IL20RB: variants seen among roughly 807,000 people sequenced by gnomAD.
The protein encoded by IL20RB is interleukin-20 receptor subunit beta.
IL20RB carries 21 observed loss-of-function variants against 33.3 expected under a neutral mutation model. The observed-to-expected ratio is 0.63, with a 90% CI of 0.45 to 0.91. IL20RB has a LOEUF of 0.91. Ranked by LOEUF, IL20RB falls within the 40% of genes least tolerant of loss-of-function variation. IL20RB has a pLI of 0.00. For synonymous variants in IL20RB, 147 were observed against 146.8 expected, an observed-to-expected ratio of 1.00 and a Z score of -0.01; for missense variants, 345 against 384.8, an observed-to-expected ratio of 0.90 and a Z score of 0.86.
chr3:136,996,528 A>G (rs1942131116), intron 6 of IL20RB, among the ~76,000 whole-genome samples: 2 of 152,112 alleles, frequency 1.3e-5, no homozygotes, highest in African/African-American at 4.8e-5. Context: ...GAAAGGAGTC[A>G]TCCTTGTGAC....
chr3:136,990,550 C>T (rs1942012217), intron 4 of IL20RB, among the ~76,000 whole-genome samples: 1 of 152,178 alleles, frequency 6.6e-6, no homozygotes. Context: ...TGTCCTCTCT[C>T]CTTTGTCCCT....
intron 3 of IL20RB, among the ~76,000 whole-genome samples, chr3:136,986,206 C>T (rs1941893664): frequency 6.7e-6 from 1 of 149,306 alleles, no homozygotes; most frequent in South Asian, 2.1e-4. Context: ...GAGCGAGACT[C>T]CATCTCAAAT....
In IL20RB at chr3:137,010,984, A is replaced by C. The variant is rs928156625; in HGVS notation, c.*761A>C. On this transcript the variant is annotated 3_prime_UTR_variant, in exon 7 of 7. Transcript: ENST00000329582. ...GTGTGCAATGCGACGAGAATGCAGA[A>C]GTCAGTAACATGTGCATGTTTGTTG... is the stretch of plus-strand genomic sequence containing the variant. 5.9e-5 allele frequency: 9 copies of C among 152,266 alleles called. No individual in the cohort carries two copies. Among genetic ancestry groups the C allele is most frequent in the African/African-American group, 9.6e-5 (4 of 41,464 alleles). 9.4% of individuals were successfully genotyped at this position (152,266 alleles called of 1,614,324 possible). A position where few individuals can be genotyped will look rare whatever the true frequency, so the allele number is the denominator to read the frequency against.
intron 2 of IL20RB, among the ~76,000 whole-genome samples, chr3:136,980,983 G>C (rs746766710): frequency 9.2e-5 from 14 of 152,284 alleles, no homozygotes; most frequent in Non-Finnish European, 1.3e-4. Flanking sequence ...AATCCTAAAG[G>C]TCAGCTGGCC....
At chr3:137,007,067 C>T (rs929691239) in intron 6 of IL20RB, among the ~76,000 whole-genome samples, 2 of 152,206 alleles carry the variant, frequency 1.3e-5, no homozygotes, top group Non-Finnish European at 2.9e-5. Context: ...GAGGTCCACT[C>T]CAGACCGTTT....
intron 3 of IL20RB, among the ~76,000 whole-genome samples, chr3:136,987,686 G>T (rs1941939888): frequency 1.3e-5 from 2 of 152,196 alleles, no homozygotes; most frequent in Admixed American, 1.3e-4. Flanking sequence ...CCATGGAGGG[G>T]GTGGGAGGCT....
chr3:136,994,910 A>T (rs749596182), intron 5 of IL20RB, among the ~76,000 whole-genome samples: 12 of 152,218 alleles, frequency 7.9e-5, no homozygotes, highest in Non-Finnish European at 1.8e-4. Context: ...TAGCCTACAA[A>T]ATAGGGGCTT....
At chr3:136,979,578 C>T (rs1028359377) in intron 1 of IL20RB, among the ~76,000 whole-genome samples, 60 of 152,156 alleles carry the variant, frequency 3.9e-4, no homozygotes, top group Non-Finnish European at 1.2e-4. Flanking sequence ...TCCTTATGAG[C>T]AGGTTCAGCT....
intron 1 of IL20RB, among the ~76,000 whole-genome samples, chr3:136,974,634 G>C (rs529380408): frequency 2.0e-5 from 3 of 152,240 alleles, no homozygotes; most frequent in East Asian, 3.9e-4. Context: ...TGGACATCAT[G>C]AGCCTCCTGT....
At chr3:136,962,617 T>C (rs1941252124) in intron 1 of IL20RB, among the ~76,000 whole-genome samples, 1 of 151,126 alleles carries the variant, frequency 6.6e-6, no homozygotes, top group Non-Finnish European at 1.5e-5. Context: ...CCAAGTATGG[T>C]GGTGGGCGCC....
At chr3:136,970,389 C>G (rs116536823) in intron 1 of IL20RB, among the ~76,000 whole-genome samples, 1,760 of 152,166 alleles carry the variant, frequency 0.012, 32 homozygotes, top group African/African-American at 0.039. Flanking sequence ...GTTGCCATGC[C>G]AGGCCTAAAA....
intron 6 of IL20RB, among the ~76,000 whole-genome samples, chr3:136,998,824 C>G (rs932351400): frequency 6.6e-6 from 1 of 151,862 alleles, no homozygotes; most frequent in African/African-American, 2.4e-5. Context: ...GCACCCAGCT[C>G]TTACTACTTT....
At chr3:137,003,906 A>G (rs575805657) in intron 6 of IL20RB, among the ~76,000 whole-genome samples, 1 of 152,258 alleles carries the variant, frequency 6.6e-6, no homozygotes, top group Non-Finnish European at 1.5e-5. Context: ...GTTTGTCATA[A>G]ATAGCTCTTA....
Position 137,010,139 on chromosome 3 carries a change from A to T in IL20RB, c.852A>T (p.Leu284Phe). ...TLKITNSPQKLISCRREEVDA... is the reference protein window; with the variant it reads ...TLKITNSPQKFISCRREEVDA... ...AAATAACCAATTCACCCCAGAAGTT[A>T]ATCAGCTGCAGAAGGGAGGAGGTGG... The change falls in exon 7 of 7, where the codon TTA becomes TTT. Residue 284 changes from leucine to phenylalanine, a missense_variant. Coordinates refer to ENST00000329582, the MANE Select transcript of IL20RB (RefSeq NM_144717.4). The T allele has an allele frequency of 6.3e-7, 1 of 1,599,892 alleles. No homozygotes were observed. The highest frequency in any genetic ancestry group is 8.6e-7 in the Non-Finnish European group (1 of 1,166,976).
At chr3:137,001,129 T>C (rs1942234530) in intron 6 of IL20RB, among the ~76,000 whole-genome samples, 1 of 152,112 alleles carries the variant, frequency 6.6e-6, no homozygotes, top group Non-Finnish European at 1.5e-5. Flanking sequence ...GAAAACGAAA[T>C]AGCTTAGATG....
rs113646336 is a variant in IL20RB at position 136,996,365 on chromosome 3, C to A, written c.825+809C>A. ...AAAACAAAAACAACAAAAACAAAAT[C>A]AAAAAGCCCCATCCCTGTCACCCTA... On this transcript the variant is annotated intron_variant, in intron 6 of 6. Transcript: ENST00000329582. 5.4e-3 allele frequency among the ~76,000 whole-genome samples: 819 copies of A among 152,192 alleles called. 5 individuals are homozygous for A. The highest frequency in any genetic ancestry group is 0.018 in the African/African-American group (756 of 41,534).
chr3:136,958,096 T>G lies in IL20RB; in HGVS notation c.-18T>G. 2 of 1,456,626 alleles carry G rather than the reference T, an allele frequency of 1.4e-6. No individual in the cohort carries two copies. Among genetic ancestry groups the G allele is most frequent in the Non-Finnish European group, 9.6e-7 (1 of 1,037,842 alleles). 90.2% of individuals were successfully genotyped at this position (1,456,626 alleles called of 1,614,324 possible). ...TTTTGGAAAGAAACAATGTTCTAGG[T>G]CAAACTGAGTCTACCAAATGCAGAC... On this transcript the variant is annotated 5_prime_UTR_variant, in exon 1 of 7. Coordinates refer to ENST00000329582, the MANE Select transcript of IL20RB (RefSeq NM_144717.4).
At chr3:136,991,100 G>T (rs1055691825) in intron 4 of IL20RB, among the ~76,000 whole-genome samples, 3 of 152,182 alleles carry the variant, frequency 2.0e-5, no homozygotes, top group African/African-American at 4.8e-5. Flanking sequence ...GAGGTGGAAG[G>T]GTGAACAGAC....
intron 2 of IL20RB, among the ~76,000 whole-genome samples, chr3:136,980,950 T>C (rs1310200876): frequency 6.6e-6 from 1 of 152,118 alleles, no homozygotes; most frequent in Admixed American, 6.5e-5. Context: ...TATAAGCTTA[T>C]ACCTAGAGCC....
Sources: gnomAD v4.1 joint callset for allele counts (sites outside exome capture counted in the v4.1 genomes callset) on GRCh38, gnomAD v4.1.1 for gene constraint, MANE v1.5 for transcripts, NCBI Gene and HGNC (gene_info 2026-07-23, HGNC 2026-07-21) for gene names.